DLC1: variants seen among roughly 807,000 people sequenced by gnomAD.
DLC1 encodes DLC1 Rho GTPase activating protein.
A neutral mutation model predicts 140.3 loss-of-function variants in DLC1; 54 were observed. The ratio of observed to expected loss-of-function variants is 0.38; its 90% CI spans 0.31 to 0.48. DLC1 has a LOEUF of 0.48. Ranked by LOEUF, DLC1 falls within the 20% of genes least tolerant of loss-of-function variation. The pLI, the probability that DLC1 is intolerant of heterozygous loss-of-function variation, is 0.96. For missense variants in DLC1, 2,536 were observed against 1,907.0 expected, an observed-to-expected ratio of 1.33 and a Z score of -6.14; for synonymous variants, 986 against 728.1, an observed-to-expected ratio of 1.35 and a Z score of -5.70.
At chr8:13,563,134 ATTT>A (rs1385355054) in intron 1 of DLC1, among the ~76,000 whole-genome samples, 1 of 152,162 alleles carries the variant, frequency 6.6e-6, no homozygotes, top group Non-Finnish European at 1.5e-5. Context: ...TATAAAAATT[ATTT>A]GTACTTCGGA....
intron 1 of DLC1, among the ~76,000 whole-genome samples, chr8:13,596,560 C>G (rs1469517061): frequency 1.3e-5 from 2 of 151,944 alleles, no homozygotes; most frequent in African/African-American, 2.4e-5. Flanking sequence ...AGTAACAATA[C>G]TAGTTTTTTA....
intron 2 of DLC1, among the ~76,000 whole-genome samples, chr8:13,490,258 A>C (rs979599228): frequency 6.6e-6 from 1 of 152,258 alleles, no homozygotes; most frequent in African/African-American, 2.4e-5. Context: ...AAGTGAAAAA[A>C]TTGAAGAGGT....
At chr8:13,288,223 G>T (rs1010040950) in intron 5 of DLC1, among the ~76,000 whole-genome samples, 3 of 152,142 alleles carry the variant, frequency 2.0e-5, no homozygotes, top group Non-Finnish European at 4.4e-5. Flanking sequence ...TGGTATTATA[G>T]TGTATCATTT....
At chr8:13,275,054 G>T (rs759725766) in intron 5 of DLC1, among the ~76,000 whole-genome samples, 1 of 152,100 alleles carries the variant, frequency 6.6e-6, no homozygotes, top group Non-Finnish European at 1.5e-5. Context: ...ATAATAAAAT[G>T]GTTAAATTTA....
At chr8:13,406,194 T>TC (rs1176552682) in intron 2 of DLC1, among the ~76,000 whole-genome samples, 5 of 138,388 alleles carry the variant, frequency 3.6e-5, no homozygotes, top group African/African-American at 1.4e-4. Flanking sequence ...TTTTTTTTTT[T>TC]TTTTCAGTGG....
chr8:13,112,175 A>C (rs1454765637), intron 6 of DLC1, among the ~76,000 whole-genome samples: 1 of 152,094 alleles, frequency 6.6e-6, no homozygotes, highest in African/African-American at 2.4e-5. Context: ...AAAGTAAAAA[A>C]ATCCCTTTGG....
chr8:13,172,164 C>A (rs953449755), intron 5 of DLC1, among the ~76,000 whole-genome samples: 4 of 152,188 alleles, frequency 2.6e-5, no homozygotes, highest in South Asian at 2.1e-4. Context: ...TTGATGGAAT[C>A]TGAAGTATTA....
chr8:13,472,642 T>C (rs1040191734), intron 2 of DLC1, among the ~76,000 whole-genome samples: 1 of 152,190 alleles, frequency 6.6e-6, no homozygotes, highest in Non-Finnish European at 1.5e-5. Context: ...TGGGCCTCAA[T>C]TGGCAGGGAA....
At chr8:13,407,691 C>T (rs943231808) in intron 2 of DLC1, among the ~76,000 whole-genome samples, 4 of 152,106 alleles carry the variant, frequency 2.6e-5, no homozygotes, top group African/African-American at 9.7e-5. Flanking sequence ...AATGCTAAAC[C>T]GGGAATAGAA....
intron 1 of DLC1, among the ~76,000 whole-genome samples, chr8:13,556,165 G>A (rs1004987219): frequency 6.6e-6 from 1 of 152,082 alleles, no homozygotes; most frequent in African/African-American, 2.4e-5. Context: ...TGTATAAGGA[G>A]CTCAGACAAC....
At chr8:13,338,644 G>A (rs1003504173) in intron 4 of DLC1, 1 of 152,134 alleles carries the variant, frequency 6.6e-6, no homozygotes, top group East Asian at 1.9e-4. Context: ...GTTCTGAGAA[G>A]TCTATTTCCC....
chr8:13,174,643 G>C (rs1267953622), intron 5 of DLC1, among the ~76,000 whole-genome samples: 1 of 152,096 alleles, frequency 6.6e-6, no homozygotes, highest in African/African-American at 2.4e-5. Context: ...TTATATGTTT[G>C]TTGGCTGCTT....
intron 1 of DLC1, among the ~76,000 whole-genome samples, chr8:13,502,471 C>T (rs1172661625): frequency 1.3e-5 from 2 of 152,078 alleles, no homozygotes; most frequent in East Asian, 3.9e-4. Context: ...TGAATGTCTG[C>T]AAGCTCTCCT....
chr8:13,088,741 C>A (rs748016198), intron 15 of DLC1, 37 bp from the exon 16 acceptor site: 2 of 1,589,674 alleles, frequency 1.3e-6, no homozygotes, highest in South Asian at 1.1e-5. Context: ...CCAAGGCAAT[C>A]CATACACACC....
At chr8:13,187,725 G>A (rs757836590) in intron 5 of DLC1, among the ~76,000 whole-genome samples, 6 of 152,126 alleles carry the variant, frequency 3.9e-5, no homozygotes, top group South Asian at 2.1e-4. Context: ...AAAATCATCC[G>A]GGAATACTCG....
intron 4 of DLC1, among the ~76,000 whole-genome samples, chr8:13,319,481 G>C (rs112974647): frequency 0.065 from 7,954 of 121,758 alleles, 299 homozygotes; most frequent in South Asian, 0.14. Context: ...GGGCGGGGGG[G>C]GGGGGTGGAT....
chr8:13,300,696 A>G (rs561395752), intron 5 of DLC1, among the ~76,000 whole-genome samples: 11 of 152,330 alleles, frequency 7.2e-5, no homozygotes, highest in African/African-American at 2.2e-4. Flanking sequence ...CTGCGTCTGA[A>G]TAACAAATGG....
At chr8:13,267,825 G>C (rs547788929) in intron 5 of DLC1, among the ~76,000 whole-genome samples, 9 of 151,870 alleles carry the variant, frequency 5.9e-5, no homozygotes, top group Non-Finnish European at 1.2e-4. Context: ...AAAGAACCAA[G>C]AGAGAAGGGT....
chr8:13,155,166 C>A (rs1314916980), intron 5 of DLC1, among the ~76,000 whole-genome samples: 2 of 149,554 alleles, frequency 1.3e-5, no homozygotes, highest in Non-Finnish European at 3.0e-5. Context: ...GTCTCCATAT[C>A]GGTGTATAAA....
Sources: gnomAD v4.1 joint callset for allele counts (sites outside exome capture counted in the v4.1 genomes callset) on GRCh38, gnomAD v4.1.1 for gene constraint, MANE v1.5 for transcripts, NCBI Gene and HGNC (gene_info 2026-07-23, HGNC 2026-07-21) for gene names.